The following PPP2R2C variants were observed in gnomAD, a reference collection of about 807,000 sequenced individuals.
The protein encoded by PPP2R2C is protein phosphatase 2, regulatory subunit B, gamma.
Under a neutral mutation model 45.3 loss-of-function variants are expected in PPP2R2C, and 10 were observed. The observed-to-expected ratio is 0.22, with a 90% CI of 0.14 to 0.37. PPP2R2C has a LOEUF of 0.37. Ranked by LOEUF, PPP2R2C falls within the 10% of genes least tolerant of loss-of-function variation. PPP2R2C has a pLI of 1.00. For missense variants in PPP2R2C, 308 were observed against 619.7 expected, an observed-to-expected ratio of 0.50 and a Z score of 5.34; for synonymous variants, 257 against 245.4, an observed-to-expected ratio of 1.05 and a Z score of -0.44.
chr4:6,453,110 C>T (rs796418929), intron 1 of PPP2R2C, among the ~76,000 whole-genome samples: 11 of 152,294 alleles, frequency 7.2e-5, no homozygotes, highest in Admixed American at 2.0e-4. Flanking sequence ...GGTGCGGGGC[C>T]GTTCCTGAGC....
At chr4:6,510,475 G>A (rs780849279) in intron 2 of PPP2R2C, among the ~76,000 whole-genome samples, 1 of 152,098 alleles carries the variant, frequency 6.6e-6, no homozygotes, top group South Asian at 2.1e-4. Context: ...ACTTCTTCAT[G>A]GTGCTTATAT....
Position 6,329,641 on chromosome 4 carries a change from C to G in PPP2R2C, c.961-288G>C, listed in dbSNP as rs183042486. Among the ~76,000 whole-genome samples, 5 of 127,312 alleles carry G rather than the reference C, an allele frequency of 3.9e-5. No homozygotes were observed. Among genetic ancestry groups the G allele is most frequent in the African/African-American group, 1.5e-4 (3 of 20,116 alleles). The allele number at this position is 127,312 out of a possible 152,430, so 83.5% of individuals were successfully genotyped here. On this transcript the variant is annotated intron_variant, in intron 7 of 8. Coordinates refer to ENST00000382599, the MANE Select transcript of PPP2R2C (RefSeq NM_020416.4). This position sits in a 1 kb window ranked among gnomAD's most constrained non-coding sequence, Gnocchi z 5.8. Reference sequence around the variant, plus strand: ...CACGACCAGGCACACGGCTGACCTCCACCGTGACACAGCCCAATACAGCCC... The same window carrying G: ...CACGACCAGGCACACGGCTGACCTCGACCGTGACACAGCCCAATACAGCCC...
rs138377542 is a variant in PPP2R2C, at chr4:6,507,558, T to C, written c.49+27713A>G. Reference sequence around the variant, plus strand: ...CCAGCCTCCAGCTGTTCTAACCAGCTCAGCTGAGGCACCTTGGATGACCCA... The same window carrying C: ...CCAGCCTCCAGCTGTTCTAACCAGCCCAGCTGAGGCACCTTGGATGACCCA... On this transcript the variant is annotated intron_variant, in intron 2 of 9. Coordinates refer to the PPP2R2C transcript ENST00000506140. Among the ~76,000 whole-genome samples the C allele has an allele frequency of 8.6e-3, 1,317 of 152,320 alleles. 12 individuals are homozygous for C. Among genetic ancestry groups the C allele is most frequent in the Middle Eastern group, 0.024 (7 of 294 alleles).
intron 2 of PPP2R2C, among the ~76,000 whole-genome samples, chr4:6,532,178 C>T (rs562673275): frequency 5.9e-5 from 9 of 152,228 alleles, no homozygotes; most frequent in Admixed American, 6.5e-5. Flanking sequence ...CTCCACTTTA[C>T]AGATGGCCTG....
intron 1 of PPP2R2C, among the ~76,000 whole-genome samples, chr4:6,545,794 G>A (rs1353845179): frequency 6.6e-6 from 1 of 152,184 alleles, no homozygotes; most frequent in East Asian, 1.9e-4. Context: ...ACACAGTAAG[G>A]CAACGTTTGC....
intron 5 of PPP2R2C, chr4:6,350,220 A>T: frequency 1.0e-6 from 1 of 985,420 alleles, no homozygotes; most frequent in South Asian, 4.7e-5. Flanking sequence ...TGCCATGCTG[A>T]TTTCTCCAGC....
intron 1 of PPP2R2C, among the ~76,000 whole-genome samples, chr4:6,391,746 C>T (rs1577140210): frequency 6.6e-6 from 1 of 152,308 alleles, no homozygotes; most frequent in South Asian, 2.1e-4. Context: ...GGAGCGGCAG[C>T]AGGGGAAGCC....
chr4:6,384,265 G>T (rs1175678321), intron 1 of PPP2R2C: 2 of 985,340 alleles, frequency 2.0e-6, no homozygotes, highest in African/African-American at 3.5e-5. Flanking sequence ...GAGGGTGAAG[G>T]AACGGGATAT....
At chr4:6,554,658 A>G (rs1725301806) in intron 1 of PPP2R2C, among the ~76,000 whole-genome samples, 1 of 152,068 alleles carries the variant, frequency 6.6e-6, no homozygotes. Context: ...TCAGGAGTTC[A>G]AGACCAGCCT....
chr4:6,441,192 A>C (rs1454760851), intron 1 of PPP2R2C, among the ~76,000 whole-genome samples: 4 of 152,112 alleles, frequency 2.6e-5, no homozygotes, highest in Non-Finnish European at 5.9e-5. Flanking sequence ...AGGCTCTGGA[A>C]AAAAGCACCT....
chr4:6,498,730 T>C (rs6850236), intron 2 of PPP2R2C, among the ~76,000 whole-genome samples: 50,414 of 151,818 alleles, frequency 0.33, 8,641 homozygotes, highest in Middle Eastern at 0.36. Flanking sequence ...CTGAGCCCAG[T>C]GAGCTCCCGG....
chr4:6,381,914 T>C, intron 1 of PPP2R2C: 1 of 1,582,526 alleles, frequency 6.3e-7, no homozygotes, highest in East Asian at 2.3e-5. Context: ...ATTCTCAGGT[T>C]CTACGAGTCA....
At chr4:6,494,635 G>A (rs1052775465) in intron 2 of PPP2R2C, among the ~76,000 whole-genome samples, 1 of 152,172 alleles carries the variant, frequency 6.6e-6, no homozygotes, top group Non-Finnish European at 1.5e-5. Context: ...AGCACCCAGG[G>A]CACCAAGCAC....
rs566851428 is a variant in PPP2R2C at position 6,546,860 on chromosome 4, G to A, written c.-58-11483C>T. On this transcript the variant is annotated intron_variant, in intron 1 of 9. Coordinates refer to the PPP2R2C transcript ENST00000506140. ...GGCCGTGAAGCGGGGGCTCTGCCGA[G>A]GGTCAGCCCGGAATCTTTGGAAAAG... 3.9e-5 allele frequency among the ~76,000 whole-genome samples: 6 copies of A among 152,250 alleles called. No homozygotes were observed. In the South Asian group the frequency reaches 1.2e-3, roughly 32 times the overall value.
intron 2 of PPP2R2C, among the ~76,000 whole-genome samples, chr4:6,527,933 G>A (rs1479894128): frequency 6.6e-6 from 1 of 152,180 alleles, no homozygotes; most frequent in African/African-American, 2.4e-5. Context: ...GGACAAAGGA[G>A]GCACAGCCCG....
chr4:6,493,845 G>C (rs1444718458), intron 2 of PPP2R2C, among the ~76,000 whole-genome samples: 1 of 152,106 alleles, frequency 6.6e-6, no homozygotes, highest in Middle Eastern at 3.2e-3. Context: ...GGGAGCCGTA[G>C]CTTTAAAATC....
At chr4:6,335,318 C>T (rs537619055) in intron 6 of PPP2R2C, among the ~76,000 whole-genome samples, 4 of 152,094 alleles carry the variant, frequency 2.6e-5, no homozygotes, top group African/African-American at 9.7e-5. Flanking sequence ...ACAGGGCCTC[C>T]GTGGGAGGTG....
intron 1 of PPP2R2C, among the ~76,000 whole-genome samples, chr4:6,461,529 C>G (rs931545313): frequency 6.6e-6 from 1 of 152,138 alleles, no homozygotes; most frequent in Non-Finnish European, 1.5e-5. Context: ...TGCACCTTCC[C>G]CATACCCTCT....
intron 1 of PPP2R2C, among the ~76,000 whole-genome samples, chr4:6,423,018 G>A (rs780422830): frequency 2.0e-5 from 3 of 152,078 alleles, no homozygotes; most frequent in Non-Finnish European, 2.9e-5. Context: ...GGTTGTCATC[G>A]CATCCCAGGG....
Sources: allele counts gnomAD v4.1 joint callset (sites outside exome capture counted in the v4.1 genomes callset), GRCh38; gene constraint gnomAD v4.1.1; non-coding constraint Gnocchi (gnomAD v3.1); transcripts MANE v1.5; gene names NCBI Gene and HGNC (gene_info 2026-07-23, HGNC 2026-07-21).